Variants in FHOD3 observed in about 807,000 individuals in gnomAD.
FHOD3 encodes formin homology 2 domain containing 3.
FHOD3 carries 90 observed loss-of-function variants against 173.0 expected under a neutral mutation model. The ratio of observed to expected loss-of-function variants is 0.52; its 90% confidence interval spans 0.44 to 0.62. The LOEUF (loss-of-function observed/expected upper bound fraction) is 0.62. Ranked by LOEUF, FHOD3 falls within the 20% of genes least tolerant of loss-of-function variation. FHOD3 has a pLI of 0.00. For synonymous variants in FHOD3, 828 were observed against 823.0 expected, an observed-to-expected ratio of 1.01 and a Z score of -0.10; for missense variants, 1,945 against 2,034.7, an observed-to-expected ratio of 0.96 and a Z score of 0.85.
intron 1 of FHOD3, among the ~76,000 whole-genome samples, chr18:36,355,130 A>T (rs1196740570): frequency 6.6e-6 from 1 of 152,212 alleles, no homozygotes; most frequent in African/African-American, 2.4e-5. Context: ...CACTGAATCA[A>T]AGGAAACAGC....
At chr18:36,488,315 T>C (rs1333424796) in intron 3 of FHOD3, among the ~76,000 whole-genome samples, 3 of 152,212 alleles carry the variant, frequency 2.0e-5, no homozygotes, top group Non-Finnish European at 4.4e-5. Flanking sequence ...TCTCAAAGTG[T>C]TTAGGGCAGA....
Position 36,537,816 on chromosome 18 carries a change from G to A in FHOD3, c.511+25273G>A, listed in dbSNP as rs116892982. On this transcript the variant is annotated intron_variant, in intron 5 of 28. Transcript: ENST00000590592. Reference sequence around the variant, plus strand: ...GAAAGAAAATCAGTAAGGATATAGTGTAAGTCAGTAACACCATTAACCAGG... The same window carrying A: ...GAAAGAAAATCAGTAAGGATATAGTATAAGTCAGTAACACCATTAACCAGG... 1.8e-3 allele frequency among the ~76,000 whole-genome samples: 270 copies of A among 152,258 alleles called. 1 individual carries two copies. Among genetic ancestry groups the A allele is most frequent in the Non-Finnish European group, 2.8e-3 (190 of 68,018 alleles).
intron 5 of FHOD3, among the ~76,000 whole-genome samples, chr18:36,553,685 A>G (rs1330182980): frequency 6.6e-6 from 1 of 152,222 alleles, no homozygotes; most frequent in Non-Finnish European, 1.5e-5. Context: ...AACTACCATC[A>G]GAGTAAACAG....
At chr18:36,388,137 T>C (rs2048116578) in intron 3 of FHOD3, among the ~76,000 whole-genome samples, 1 of 152,164 alleles carries the variant, frequency 6.6e-6, no homozygotes, top group Non-Finnish European at 1.5e-5. Context: ...GTGTGGTTTT[T>C]CTCCAAGGTA....
In FHOD3 at chr18:36,649,675, C is replaced by A. The variant is rs2644263; in HGVS notation, c.1286+270C>A. Among the ~76,000 whole-genome samples, 42,380 of 152,056 alleles carry A rather than the reference C, an allele frequency of 0.28. 6,412 individuals carry two copies. Among genetic ancestry groups the A allele is most frequent in the South Asian group, 0.41 (1,948 of 4,796 alleles). ...CTGGTTTTCTCCTCACCTTTCCCTC[C>A]CTCATTGAATGCTTTAGCTCAACCA... On this transcript the variant is annotated intron_variant, in intron 11 of 28. Transcript: ENST00000590592.
At chr18:36,706,727 G>A (rs2039901139) in intron 17 of FHOD3, among the ~76,000 whole-genome samples, 1 of 152,204 alleles carries the variant, frequency 6.6e-6, no homozygotes, top group Admixed American at 6.5e-5. Flanking sequence ...GCAGCCAACT[G>A]ACCCCATGTC....
intron 5 of FHOD3, among the ~76,000 whole-genome samples, chr18:36,534,077 T>G (rs933178248): frequency 2.0e-5 from 3 of 152,172 alleles, no homozygotes; most frequent in Non-Finnish European, 2.9e-5. Flanking sequence ...CAAAAGTCCT[T>G]CCTTCCCAGA....
intron 9 of FHOD3, among the ~76,000 whole-genome samples, chr18:36,614,723 T>C (rs954748597): frequency 6.6e-6 from 1 of 152,198 alleles, no homozygotes; most frequent in African/African-American, 2.4e-5. Context: ...ACTGTAGTTT[T>C]GACTTGCATT....
chr18:36,691,745 A>C (rs762017023), intron 16 of FHOD3, among the ~76,000 whole-genome samples: 1 of 152,246 alleles, frequency 6.6e-6, no homozygotes, highest in Non-Finnish European at 1.5e-5. Context: ...CTCCCTCAGC[A>C]TCCTGGGCTG....
At position 36,330,238 on chromosome 18, in the gene FHOD3, T is replaced by C. The variant is rs117360337; in HGVS notation, c.166-25301T>C. ...AGTGACCCCTAACATTACGTCTATGTCTTACATCATGGAGTGAATAACATG... is the reference window on the plus strand; with the variant it reads ...AGTGACCCCTAACATTACGTCTATGCCTTACATCATGGAGTGAATAACATG... On this transcript the variant is annotated intron_variant, in intron 1 of 28. Coordinates refer to ENST00000590592, the MANE Select transcript of FHOD3 (RefSeq NM_001281740.3). 1.2e-4 allele frequency among the ~76,000 whole-genome samples: 19 copies of C among 152,334 alleles called. No homozygotes were observed. In the East Asian group the frequency reaches 3.5e-3, roughly 28 times the overall value.
intron 10 of FHOD3, among the ~76,000 whole-genome samples, chr18:36,633,270 C>T (rs1001500710): frequency 1.3e-5 from 2 of 152,212 alleles, no homozygotes; most frequent in African/African-American, 4.8e-5. Context: ...AGCTGCTGAT[C>T]ACTAGCTTTA....
At chr18:36,464,437 G>T (rs557703197) in intron 3 of FHOD3, among the ~76,000 whole-genome samples, 1 of 152,272 alleles carries the variant, frequency 6.6e-6, no homozygotes, top group African/African-American at 2.4e-5. Flanking sequence ...GCTTTGTACT[G>T]GGTGATGCTG....
At chr18:36,573,889 G>T (rs999545380) in intron 5 of FHOD3, among the ~76,000 whole-genome samples, 1 of 152,016 alleles carries the variant, frequency 6.6e-6, no homozygotes. Context: ...CTTAGAATAG[G>T]TTTCCCAAAT....
chr18:36,653,122 G>A (rs1284603691), intron 12 of FHOD3, among the ~76,000 whole-genome samples, 193 bp downstream of exon 12: 1 of 152,230 alleles, frequency 6.6e-6, no homozygotes. Context: ...AAGATGCAGA[G>A]AAAATTGTCA....
At chr18:36,620,133 A>G (rs935643973) in intron 9 of FHOD3, among the ~76,000 whole-genome samples, 3 of 152,146 alleles carry the variant, frequency 2.0e-5, no homozygotes, top group Admixed American at 2.0e-4. Flanking sequence ...GATGAAACCA[A>G]AATTCCTTCC....
At chr18:36,710,479 A>G (rs2040112219) in intron 18 of FHOD3, 1 of 152,228 alleles carries the variant, frequency 6.6e-6, no homozygotes, top group Admixed American at 6.5e-5. Flanking sequence ...GCATGGATGA[A>G]CGAATGAATG....
chr18:36,695,485 G>A lies in FHOD3; in HGVS notation c.2236+2062G>A, dbSNP rs76896043. ...CTTCTGAAAGAGGAATACTGGGCTT[G>A]AATCTGCATATAACCAAGAATTCTA... On this transcript the variant is annotated intron_variant, in intron 17 of 28. Transcript: ENST00000590592. 3.7e-4 allele frequency among the ~76,000 whole-genome samples: 56 copies of A among 152,258 alleles called. No individual in the cohort carries two copies. The East Asian group carries it at 0.01, about 28-fold the overall frequency.
intron 3 of FHOD3, among the ~76,000 whole-genome samples, chr18:36,487,136 A>C (rs1188727500): frequency 6.6e-6 from 1 of 152,138 alleles, no homozygotes; most frequent in Non-Finnish European, 1.5e-5. Context: ...TATGTGTGTA[A>C]ATTTTCATTT....
intron 3 of FHOD3, among the ~76,000 whole-genome samples, chr18:36,429,846 G>T (rs1385196652): frequency 6.6e-6 from 1 of 152,076 alleles, no homozygotes; most frequent in Non-Finnish European, 1.5e-5. Flanking sequence ...TTTGCAGCAA[G>T]AAAAAGTGAG....
Sources: gnomAD v4.1 joint callset for allele counts (sites outside exome capture counted in the v4.1 genomes callset) on GRCh38, gnomAD v4.1.1 for gene constraint, MANE v1.5 for transcripts, NCBI Gene and HGNC (gene_info 2026-07-23, HGNC 2026-07-21) for gene names.